The following WWP1 variants were observed in gnomAD, a reference collection of about 807,000 sequenced individuals.
WWP1 encodes NEDD4-like E3 ubiquitin-protein ligase WWP1.
In WWP1, 49 loss-of-function variants were observed where a neutral mutation model predicts 130.6. That is an observed-to-expected ratio of 0.38 (90% CI 0.30 to 0.48). The LOEUF is 0.48. Ranked by LOEUF, WWP1 falls within the 20% of genes least tolerant of loss-of-function variation. The pLI is 0.99. For missense variants in WWP1, 809 were observed against 1,100.6 expected (o/e 0.74, Z 3.75); for synonymous variants, 332 against 367.8 (o/e 0.90, Z 1.11).
chr8:86,379,435 A>G (rs909748350), intron 3 of WWP1, among the ~76,000 whole-genome samples: 5 of 152,162 alleles, frequency 3.3e-5, no homozygotes, highest in Admixed American at 2.0e-4. Context: ...GGAAGCTTAC[A>G]TAGCTTTGGT....
At chr8:86,390,754 G>A (rs561831751) in intron 5 of WWP1, among the ~76,000 whole-genome samples, 1 of 151,954 alleles carries the variant, frequency 6.6e-6, no homozygotes, top group Non-Finnish European at 1.5e-5. Context: ...GGGAGGGAGA[G>A]GGAGAAGAAT....
At chr8:86,393,301 G>C (rs1807461433) in intron 5 of WWP1, among the ~76,000 whole-genome samples, 1 of 152,004 alleles carries the variant, frequency 6.6e-6, no homozygotes, top group East Asian at 1.9e-4. Context: ...CCATCTCCCG[G>C]GTTGAAGCGA....
chr8:86,424,487 C>T (rs1809472436), intron 9 of WWP1, among the ~76,000 whole-genome samples: 1 of 151,836 alleles, frequency 6.6e-6, no homozygotes, highest in South Asian at 2.1e-4. Context: ...TAGCCGAGAT[C>T]ACGCCACTGC....
At position 86,435,658 on chromosome 8, in the gene WWP1, A is replaced by C. The variant is rs750308649; in HGVS notation, c.1703A>C (p.Lys568Thr). 1 of 1,613,092 alleles carries C rather than the reference A, an allele frequency of 6.2e-7. No homozygotes were observed. The highest frequency in any genetic ancestry group is 8.5e-7 in the Non-Finnish European group (1 of 1,179,900). Residue 568 changes from lysine to threonine, a missense_variant, in exon 16 of 25, where the codon AAG becomes ACG. Physicochemically the swap from Lys to Thr is moderately conservative, Grantham distance 78. Transcript: ENST00000517970. ...CQSNALPSHV[K>T]INVSRQTLFE... ...TCTAATGCACTACCTAGTCATGTAAAGATCAATGTGTCCCGGCAGACATTG... is the reference window on the plus strand; with the variant it reads ...TCTAATGCACTACCTAGTCATGTAACGATCAATGTGTCCCGGCAGACATTG...
At chr8:86,447,026 T>C (rs1810918660) in intron 18 of WWP1, among the ~76,000 whole-genome samples, 1 of 151,824 alleles carries the variant, frequency 6.6e-6, no homozygotes, top group Non-Finnish European at 1.5e-5. Context: ...GAAAGAAGAG[T>C]AGGAATGAAA....
intron 16 of WWP1, among the ~76,000 whole-genome samples, chr8:86,435,993 C>G (rs1314362548): frequency 1.3e-5 from 2 of 152,192 alleles, no homozygotes; most frequent in African/African-American, 4.8e-5. Context: ...GCCACTGCAT[C>G]TGGCCTGAGT....
chr8:86,417,196 G>T (rs1406921603), intron 9 of WWP1: 1 of 152,220 alleles, frequency 6.6e-6, no homozygotes. Flanking sequence ...GTCAGCAGCG[G>T]GAACTGGGTA....
At chr8:86,366,831 C>T (rs369334153) in intron 1 of WWP1, among the ~76,000 whole-genome samples, 2 of 152,216 alleles carry the variant, frequency 1.3e-5, no homozygotes, top group African/African-American at 4.8e-5. Flanking sequence ...TTTACTCTTT[C>T]ATTTTATAAA....
At chr8:86,345,588 T>C (rs185184116) in intron 1 of WWP1, among the ~76,000 whole-genome samples, 15 of 152,000 alleles carry the variant, frequency 9.9e-5, no homozygotes, top group African/African-American at 3.1e-4. Context: ...TTTTGTATTT[T>C]TTTTTTAGAG....
chr8:86,430,626 C>T (rs1432405067), intron 11 of WWP1, 71 bp from the exon 12 acceptor site: 1 of 1,275,510 alleles, frequency 7.8e-7, no homozygotes. Context: ...CTGCCACATG[C>T]TTGGCTTATT....
intron 1 of WWP1, among the ~76,000 whole-genome samples, chr8:86,362,087 CATAT>C (rs58390698): frequency 3.2e-5 from 4 of 124,792 alleles, no homozygotes; most frequent in Admixed American, 7.7e-5. Context: ...TATATACACA[CATAT>C]ATATATACAC....
intron 9 of WWP1, among the ~76,000 whole-genome samples, chr8:86,420,171 G>T (rs1054513492): frequency 3.3e-5 from 5 of 152,098 alleles, no homozygotes; most frequent in Admixed American, 1.3e-4. Context: ...AAGGAATGCC[G>T]CACAATGATA....
chr8:86,380,370 A>T (rs1340988091), intron 3 of WWP1, among the ~76,000 whole-genome samples: 4 of 152,012 alleles, frequency 2.6e-5, no homozygotes, highest in Admixed American at 6.6e-5. Flanking sequence ...GTTGATTGGG[A>T]GGAGAAAGAA....
chr8:86,467,736 A>G lies in WWP1; in HGVS notation c.*843A>G, dbSNP rs371121779. ...ATTTAATTCATAATAAATTGATGCA[A>G]TTTCATACTTAGGAACATACAAAAG... On this transcript the variant is annotated 3_prime_UTR_variant, in exon 25 of 25. Transcript: ENST00000517970. 1.3e-5 allele frequency: 2 copies of G among 152,264 alleles called. No homozygotes were observed. The highest frequency in any genetic ancestry group is 2.1e-4 in the South Asian group (1 of 4,828). The allele number at this position is 152,264 out of a possible 1,614,324, so 9.4% of individuals were successfully genotyped here. A position where few individuals can be genotyped will look rare whatever the true frequency, so the allele number is the denominator to read the frequency against.
chr8:86,434,923 A>T lies in WWP1; in HGVS notation c.1602-529A>T, dbSNP rs375882491. Among the ~76,000 whole-genome samples the T allele has an allele frequency of 7.4e-4, 113 of 152,290 alleles. 1 individual carries two copies. The highest frequency in any genetic ancestry group is 2.6e-3 in the African/African-American group (109 of 41,568). ...TCCAGGCTCTGTCACTGTGAGTCAAACCATATTGTAAAACCTGTATTCCTA... is the reference window on the plus strand; with the variant it reads ...TCCAGGCTCTGTCACTGTGAGTCAATCCATATTGTAAAACCTGTATTCCTA... On this transcript the variant is annotated intron_variant, in intron 14 of 24. Coordinates refer to ENST00000517970, the MANE Select transcript of WWP1 (RefSeq NM_007013.4).
At chr8:86,457,454 TCTAG>T in intron 21 of WWP1, among the ~76,000 whole-genome samples, 1 of 151,658 alleles carries the variant, frequency 6.6e-6, no homozygotes, top group Non-Finnish European at 1.5e-5. Flanking sequence ...TATCTATCTA[TCTAG>T]ATATAAATCT....
chr8:86,398,524 A>G (rs1221905774), intron 6 of WWP1, 45 bp downstream of exon 6: 1 of 1,609,808 alleles, frequency 6.2e-7, no homozygotes, highest in Non-Finnish European at 8.5e-7. Context: ...GAAAAAGAAT[A>G]AGCAAGAAGT....
intron 1 of WWP1, among the ~76,000 whole-genome samples, chr8:86,347,479 T>TCATTA (rs1822653933): frequency 6.6e-6 from 1 of 152,212 alleles, no homozygotes; most frequent in Non-Finnish European, 1.5e-5. Flanking sequence ...AGTTAAGAGC[T>TCATTA]GTATGTGAAG....
intron 14 of WWP1, 73 bp from the exon 15 acceptor site, chr8:86,435,377 ACT>A (rs1810235869): frequency 6.8e-7 from 1 of 1,474,204 alleles, no homozygotes; most frequent in Non-Finnish European, 9.4e-7. Flanking sequence ...ACTTTAGTAC[ACT>A]CTGATTTTAT....
Sources: allele counts gnomAD v4.1 joint callset (sites outside exome capture counted in the v4.1 genomes callset), GRCh38; gene constraint gnomAD v4.1.1; transcripts MANE v1.5; gene names NCBI Gene and HGNC (gene_info 2026-07-23, HGNC 2026-07-21).